Variants in HMBOX1 observed in about 807,000 individuals in gnomAD.
HMBOX1 encodes the protein homeobox-containing protein 1.
HMBOX1 carries 14 observed loss-of-function variants against 54.5 expected under a neutral mutation model. That is an observed-to-expected ratio of 0.26 (90% CI 0.17 to 0.40). The LOEUF (loss-of-function observed/expected upper bound fraction) is 0.40. HMBOX1 is among the 10% of genes least tolerant of loss of function. The probability of loss-of-function intolerance (pLI) is 1.00; values close to 1 mark genes in which losing one functional copy is unlikely to be tolerated. For synonymous variants in HMBOX1, 160 were observed against 181.0 expected, an observed-to-expected ratio of 0.88 and a Z score of 0.93; for missense variants, 332 against 514.4, an observed-to-expected ratio of 0.65 and a Z score of 3.43.
chr8:29,043,795 T>C (rs183107414), intron 6 of HMBOX1, among the ~76,000 whole-genome samples: 7 of 152,130 alleles, frequency 4.6e-5, no homozygotes, highest in Admixed American at 2.0e-4. Flanking sequence ...TAAATAGGCA[T>C]AGGGCAGAGA....
chr8:28,895,052 A>G (rs1002145350), intron 1 of HMBOX1, among the ~76,000 whole-genome samples: 3 of 152,130 alleles, frequency 2.0e-5, no homozygotes, highest in Non-Finnish European at 4.4e-5. Context: ...GTTAAGTGGT[A>G]AAATGATTCT....
intron 3 of HMBOX1, among the ~76,000 whole-genome samples, chr8:28,979,586 G>A (rs1195644822): frequency 1.3e-5 from 2 of 152,096 alleles, no homozygotes; most frequent in East Asian, 1.9e-4. Flanking sequence ...AATGATGATT[G>A]CTTTTTCCTT....
At chr8:28,936,693 A>C (rs1820454957) in intron 1 of HMBOX1, among the ~76,000 whole-genome samples, 1 of 151,842 alleles carries the variant, frequency 6.6e-6, no homozygotes, top group South Asian at 2.1e-4. Context: ...AATCTTTTTA[A>C]TATCTGAGAG....
At chr8:28,958,006 A>G (rs1317421138) in intron 1 of HMBOX1, among the ~76,000 whole-genome samples, 2 of 152,198 alleles carry the variant, frequency 1.3e-5, no homozygotes, top group African/African-American at 4.8e-5. Flanking sequence ...GGGAAAGGCT[A>G]TCCCTGTCAA....
At chr8:28,977,861 G>T (rs1190227948) in intron 3 of HMBOX1, among the ~76,000 whole-genome samples, 3 of 151,340 alleles carry the variant, frequency 2.0e-5, no homozygotes, top group African/African-American at 7.3e-5. Flanking sequence ...GGAGAATGAC[G>T]TGAACCCGGG....
At chr8:28,912,708 A>G (rs1016980508) in intron 1 of HMBOX1, among the ~76,000 whole-genome samples, 1 of 152,026 alleles carries the variant, frequency 6.6e-6, no homozygotes, top group African/African-American at 2.4e-5. Context: ...CAAGTTCCTC[A>G]GAGCTCTGCT....
chr8:29,041,466 C>T (rs919910752), intron 6 of HMBOX1, among the ~76,000 whole-genome samples: 10 of 152,066 alleles, frequency 6.6e-5, no homozygotes, highest in East Asian at 1.9e-4. Context: ...GTGGGGAGCG[C>T]GTGTGAGGAT....
chr8:29,049,362 G>A, intron 9 of HMBOX1: 1 of 1,533,140 alleles, frequency 6.5e-7, no homozygotes, highest in Non-Finnish European at 8.7e-7. Context: ...AGCAGAGAAG[G>A]TAGAAGAAGA....
intron 9 of HMBOX1, chr8:29,050,301 T>C: frequency 1.3e-6 from 1 of 788,988 alleles, no homozygotes; most frequent in Non-Finnish European, 1.5e-6. Context: ...GTGCCTGACG[T>C]ACATCCTGCA....
intron 6 of HMBOX1, among the ~76,000 whole-genome samples, chr8:29,041,091 T>C (rs1297177220): frequency 6.6e-6 from 1 of 152,140 alleles, no homozygotes; most frequent in African/African-American, 2.4e-5. Context: ...CTCCCCCAAG[T>C]TCTCTTCTTA....
At chr8:28,978,786 CAAAAAAAA>C (rs36075812) in intron 3 of HMBOX1, among the ~76,000 whole-genome samples, 2 of 95,842 alleles carry the variant, frequency 2.1e-5, no homozygotes, top group African/African-American at 4.5e-5. Context: ...GACTCCGTCT[CAAAAAAAA>C]AAAAAAAAAA....
At chr8:28,964,743 T>A (rs1826161722) in intron 2 of HMBOX1, among the ~76,000 whole-genome samples, 1 of 115,314 alleles carries the variant, frequency 8.7e-6, no homozygotes, top group Non-Finnish European at 1.7e-5. Flanking sequence ...CCCCAGTAGA[T>A]TCTATGATAT....
chr8:28,919,930 T>A (rs1009615597), intron 1 of HMBOX1, among the ~76,000 whole-genome samples: 1 of 152,044 alleles, frequency 6.6e-6, no homozygotes, highest in East Asian at 1.9e-4. Context: ...TAGTCAAAAG[T>A]GTATTTCAAA....
rs1222174699 is a variant in HMBOX1, at chr8:28,960,753, CTTTTTCTTTTTCTTTTTTTTTTTT to C, written c.-57-3052_-57-3029del. Among the ~76,000 whole-genome samples the C allele has an allele frequency of 2.1e-3, 140 of 65,614 alleles. 11 individuals are homozygous for C. Among genetic ancestry groups the C allele is most frequent in the African/African-American group, 8.3e-3 (133 of 16,116 alleles). The allele number at this position is 65,614 out of a possible 152,430, so 43.0% of individuals were successfully genotyped here. A position where few individuals can be genotyped will look rare whatever the true frequency, so the allele number is the denominator to read the frequency against. ...ATAATTGTAAACTTATTCTCTTTTT[CTTTTTCTTTTTCTTTTTTTTTTTT>C]TTTTTTTTTTTTTTTTTTTTTTTTT... is the stretch of plus-strand genomic sequence containing the variant. On this transcript the variant is annotated intron_variant, in intron 1 of 9. Coordinates refer to ENST00000287701, the MANE Select transcript of HMBOX1 (RefSeq NM_001135726.3).
chr8:28,952,739 G>C (rs1252672944), intron 1 of HMBOX1, among the ~76,000 whole-genome samples: 3 of 152,176 alleles, frequency 2.0e-5, no homozygotes, highest in African/African-American at 7.2e-5. Context: ...TGGAAGTGTA[G>C]GAAAGGCTAC....
intron 1 of HMBOX1, among the ~76,000 whole-genome samples, chr8:28,908,681 G>T (rs937069791): frequency 6.6e-6 from 1 of 152,186 alleles, no homozygotes; most frequent in Non-Finnish European, 1.5e-5. Context: ...CCTGAACCTG[G>T]GAGGTGGAGG....
rs140947764 is a variant in HMBOX1 at position 29,047,274 on chromosome 8, A to C, written c.935-84A>C. On this transcript the variant is annotated intron_variant, in intron 7 of 9. Transcript: ENST00000287701. ...GGCAATAAACGTAATCAAAAGCAAC[A>C]AAATAAAAATATTAGCCCTTAAAAC... 1.5e-4 allele frequency: 126 copies of C among 824,052 alleles called. No homozygotes were observed. The African/African-American group carries it at 1.9e-3, about 13-fold the overall frequency. 51.0% of individuals were successfully genotyped at this position (824,052 alleles called of 1,614,324 possible).
At chr8:28,968,908 T>C (rs1488754560) in intron 2 of HMBOX1, among the ~76,000 whole-genome samples, 1 of 152,172 alleles carries the variant, frequency 6.6e-6, no homozygotes, top group Non-Finnish European at 1.5e-5. Flanking sequence ...GCATGGTGGC[T>C]CACACCTGTA....
intron 2 of HMBOX1, among the ~76,000 whole-genome samples, chr8:28,965,419 A>G (rs1006443721): frequency 6.6e-6 from 1 of 152,236 alleles, no homozygotes; most frequent in Non-Finnish European, 1.5e-5. Context: ...AGATGGGGAG[A>G]GTAACATAGA....
Sources: gnomAD v4.1 joint callset for allele counts (sites outside exome capture counted in the v4.1 genomes callset) on GRCh38, gnomAD v4.1.1 for gene constraint, MANE v1.5 for transcripts, NCBI Gene and HGNC (gene_info 2026-07-23, HGNC 2026-07-21) for gene names.